Variants in EPHA10 observed in about 807,000 individuals in gnomAD.
EPHA10 encodes the protein EPH receptor A10.
A neutral mutation model predicts 109.7 loss-of-function variants in EPHA10; 120 were observed. The ratio of observed to expected loss-of-function variants is 1.09; its 90% CI spans 0.94 to 1.27. EPHA10 has a LOEUF of 1.27. Among genes scored for constraint, EPHA10 ranks in the 50% most tolerant of loss-of-function variants. EPHA10 has a pLI of 0.00. For missense variants in EPHA10, 1,396 were observed against 1,411.1 expected, an observed-to-expected ratio of 0.99 and a Z score of 0.17; for synonymous variants, 640 against 618.9, an observed-to-expected ratio of 1.03 and a Z score of -0.51.
rs148033581 is a variant in EPHA10 at position 37,750,246 on chromosome 1, G to A, written c.1357+2630C>T. On this transcript the variant is annotated intron_variant, in intron 5 of 16. Coordinates refer to ENST00000373048, the MANE Select transcript of EPHA10 (RefSeq NM_001099439.2). ...GTGTGATGATTGGGGATTCACACTC[G>A]TATGTGAGATGTGTCACCCCCGAAC... is the stretch of plus-strand genomic sequence containing the variant. Among the ~76,000 whole-genome samples, 108 of 152,228 alleles carry A rather than the reference G, an allele frequency of 7.1e-4. 1 individual carries two copies. The East Asian group carries it at 7.9e-3, about 11-fold the overall frequency.
At chr1:37,744,355 CAA>C (rs59431284) in intron 5 of EPHA10, among the ~76,000 whole-genome samples, 4 of 123,304 alleles carry the variant, frequency 3.2e-5, no homozygotes, top group Admixed American at 1.7e-4. Flanking sequence ...ACTAAAAATA[CAA>C]AAAAAAAAAA....
chr1:37,750,769 C>T (rs1387947656), intron 5 of EPHA10, among the ~76,000 whole-genome samples: 4 of 151,856 alleles, frequency 2.6e-5, no homozygotes, highest in Non-Finnish European at 5.9e-5. Context: ...TTTGTAGAGA[C>T]AGGGTCTCAC....
At position 37,721,800 on chromosome 1, in the gene EPHA10, C is replaced by A. The variant is rs372692877; in HGVS notation, c.2006G>T (p.Arg669Leu). The A allele has an allele frequency of 3.1e-6, 5 of 1,608,980 alleles. No individual in the cohort carries two copies. Among genetic ancestry groups the A allele is most frequent in the East Asian group, 2.2e-5 (1 of 44,772 alleles). The stretch of plus-strand genomic sequence containing the variant: ...ATGCACGGCTACGAGCAGCTCCTGG[C>A]GACCGGGGAGCTGCAAGCAGCCACA... ...LCCGCLQLPG[R>L]QELLVAVHML... The change falls in exon 11 of 17, where the codon CGC becomes CTC. Residue 669 changes from arginine to leucine, a missense_variant. By Grantham distance (102) the Arg-to-Leu change is moderately radical. Transcript: ENST00000373048.
Position 37,719,568 on chromosome 1 carries a change from G to T in EPHA10, c.2602C>A (p.Pro868Thr). ...AVEDGFRLPPPRNCPNLLHRL... is the reference protein window; with the variant it reads ...AVEDGFRLPPTRNCPNLLHRL... Reference sequence around the variant, plus strand: ...TGCAGAAGGTTAGGACAGTTCCTGGGGGGTGGCAGCCGGAAGCCATCCTCC... The same window carrying T: ...TGCAGAAGGTTAGGACAGTTCCTGGTGGGTGGCAGCCGGAAGCCATCCTCC... Residue 868 changes from proline to threonine, a missense_variant, in exon 15 of 17, where the codon CCC becomes ACC. Transcript: ENST00000373048. 6.2e-7 allele frequency: 1 copy of T among 1,613,842 alleles called. No individual in the cohort carries two copies. Among genetic ancestry groups the T allele is most frequent in the South Asian group, 1.1e-5 (1 of 91,076 alleles).
chr1:37,719,328 G>A, intron 15 of EPHA10, 86 bp downstream of exon 15: 2 of 1,448,878 alleles, frequency 1.4e-6, no homozygotes, highest in East Asian at 2.3e-5. Flanking sequence ...AGGTGGGGTG[G>A]TGGAGGCGGT....
In EPHA10 at chr1:37,723,346, C is replaced by T. The variant is rs763955833; in HGVS notation, c.1799G>A (p.Gly600Glu). ...RRPCSYGKGG[G>E]DAHDEEELYF... is the part of the protein sequence containing the mutation. ...CAGCTCCTCTTCATCATGGGCATCC[C>T]CTCCTCCTTTGCCATAGCTGCAGGG... Residue 600 changes from glycine (G) to glutamate (E), a missense_variant, in exon 9 of 17, where the codon GGG (glycine) becomes GAG (glutamate). Physicochemically the swap from Gly to Glu is moderately conservative, Grantham distance 98. Transcript: ENST00000373048. The T allele has an allele frequency of 2.5e-6, 4 of 1,614,194 alleles. No individual in the cohort carries two copies. Among genetic ancestry groups the T allele is most frequent in the East Asian group, 2.2e-5 (1 of 44,880 alleles).
intron 6 of EPHA10, among the ~76,000 whole-genome samples, chr1:37,733,801 A>ACTCT (rs377178861): frequency 1.4e-5 from 2 of 143,902 alleles, no homozygotes; most frequent in African/African-American, 5.2e-5. Flanking sequence ...CAACACTCTC[A>ACTCT]CTCTCTCTCT....
chr1:37,758,131 T>A (rs1267531131), intron 3 of EPHA10, among the ~76,000 whole-genome samples: 1 of 152,208 alleles, frequency 6.6e-6, no homozygotes, highest in Non-Finnish European at 1.5e-5. Context: ...CTATAGAGTA[T>A]GTAAAAACAA....
chr1:37,715,976 T>C lies in EPHA10; in HGVS notation c.*2396A>G, dbSNP rs772521222. On this transcript the variant is annotated 3_prime_UTR_variant, in exon 17 of 17. Transcript: ENST00000373048. ...AACTGCCACTCAAAGAGGCACCATA[T>C]CACAGACAAGTTTTTATTATCCTGC... The C allele has an allele frequency of 3.4e-6, 2 of 585,742 alleles. No homozygotes were observed. The highest frequency in any genetic ancestry group is 3.6e-5 in the African/African-American group (2 of 55,034). The allele number at this position is 585,742 out of a possible 1,614,324, so 36.3% of individuals were successfully genotyped here.
intron 5 of EPHA10, among the ~76,000 whole-genome samples, chr1:37,747,552 CA>C (rs35864756): frequency 0.39 from 41,850 of 108,386 alleles, 6,049 homozygotes; most frequent in Middle Eastern, 0.5. Flanking sequence ...GAAACTGTCT[CA>C]AAAAAAAAAA....
chr1:37,727,175 C>T lies in EPHA10; in HGVS notation c.1699G>A (p.Val567Ile), dbSNP rs577409241. 2.5e-6 allele frequency: 4 copies of T among 1,612,132 alleles called. No individual in the cohort carries two copies. The East Asian group carries it at 6.7e-5, about 27-fold the overall frequency. ...SGSRDQSPAIVVTVVTISALL... is the reference protein window; with the variant it reads ...SGSRDQSPAIIVTVVTISALL... ...GCCGAGATGGTCACTACGGTGACGA[C>T]AATGGCGGGGCTCTGGTCCCTGGAC... Residue 567 changes from valine (V) to isoleucine (I), a missense_variant, in exon 8 of 17, where the codon GTC becomes ATC. Transcript: ENST00000373048.
rs191941036 is a variant in EPHA10 at position 37,735,386 on chromosome 1, G to A, written c.1362C>T (p.Pro454=). The change falls in exon 6 of 17, where the codon CCC becomes CCT. Residue 454 remains proline, a synonymous_variant. Coordinates refer to ENST00000373048, the MANE Select transcript of EPHA10 (RefSeq NM_001099439.2). ...CCCTGCGGATCTCATCCTCCTCCCA[G>A]GGCGCTGAAAGTAAGTTACGTGGGA... ...QVTVSTGPGA[P]WEEDEIRRDR... 3 of 1,581,278 alleles carry A rather than the reference G, an allele frequency of 1.9e-6. No homozygotes were observed. The highest frequency in any genetic ancestry group is 2.3e-5 in the East Asian group (1 of 43,530).
chr1:37,753,968 C>T (rs1053668802), intron 4 of EPHA10, among the ~76,000 whole-genome samples: 4 of 152,076 alleles, frequency 2.6e-5, no homozygotes, highest in Non-Finnish European at 4.4e-5. Flanking sequence ...ATCTGCCAGG[C>T]ATCCTAACCC....
chr1:37,718,533 G>A (rs1645729807), intron 16 of EPHA10, 47 bp from the exon 17 acceptor site: 1 of 1,611,308 alleles, frequency 6.2e-7, no homozygotes, highest in Admixed American at 1.7e-5. Flanking sequence ...CCCAACTTCT[G>A]CTCCTCCCAT....
chr1:37,719,661 G>GGT, intron 14 of EPHA10, 54 bp from the exon 15 acceptor site: 1 of 1,596,850 alleles, frequency 6.3e-7, no homozygotes, highest in Non-Finnish European at 8.6e-7. Context: ...CCCAGCATAT[G>GGT]GTGTGTGCAC....
intron 5 of EPHA10, among the ~76,000 whole-genome samples, chr1:37,750,620 C>A (rs1419375619): frequency 1.3e-5 from 2 of 151,596 alleles, no homozygotes; most frequent in Admixed American, 6.6e-5. Flanking sequence ...GGCTCTGTCA[C>A]CCAGGCTGGA....
At chr1:37,758,297 C>T (rs899411321) in intron 3 of EPHA10, among the ~76,000 whole-genome samples, 4 of 152,160 alleles carry the variant, frequency 2.6e-5, no homozygotes, top group Non-Finnish European at 2.9e-5. Flanking sequence ...TTTGTCCTTC[C>T]GCATACAAAC....
Position 37,764,512 on chromosome 1 carries a change from C to T in EPHA10, c.106+449G>A, listed in dbSNP as rs1285418245. On this transcript the variant is annotated intron_variant, in intron 1 of 16. Transcript: ENST00000373048. The surrounding 1 kb of genome is among the most constrained non-coding windows in gnomAD (Gnocchi z 5.8). Reference sequence around the variant, plus strand: ...ACGTCGGGCAGCGCCCGGATCCAGCCCCCTCGACCAGCATTCCACCTTCTG... The same window carrying T: ...ACGTCGGGCAGCGCCCGGATCCAGCTCCCTCGACCAGCATTCCACCTTCTG... 4.6e-5 allele frequency among the ~76,000 whole-genome samples: 7 copies of T among 152,220 alleles called. No homozygotes were observed. The highest frequency in any genetic ancestry group is 4.8e-5 in the African/African-American group (2 of 41,470).
At chr1:37,740,643 T>G (rs1351951219) in intron 5 of EPHA10, among the ~76,000 whole-genome samples, 5 of 152,102 alleles carry the variant, frequency 3.3e-5, no homozygotes, top group African/African-American at 1.2e-4. Flanking sequence ...GATTCCAGCG[T>G]GCAGACAAGT....
Sources: gnomAD v4.1 joint callset for allele counts (sites outside exome capture counted in the v4.1 genomes callset) on GRCh38, gnomAD v4.1.1 for gene constraint, Gnocchi (gnomAD v3.1) non-coding constraint, MANE v1.5 for transcripts, NCBI Gene and HGNC (gene_info 2026-07-23, HGNC 2026-07-21) for gene names.